NIM1K: variants seen among roughly 807,000 people sequenced by gnomAD.
NIM1K encodes NIM1 serine/threonine protein kinase.
In NIM1K, 35 loss-of-function variants were observed where a neutral mutation model predicts 37.1. That is an observed-to-expected ratio of 0.94 (90% CI 0.72 to 1.25). The LOEUF is 1.25. Among genes scored for constraint, NIM1K ranks in the 50% most tolerant of loss-of-function variants. NIM1K has a pLI of 0.00. For missense variants in NIM1K, 564 were observed against 548.0 expected (o/e 1.03, Z -0.29); for synonymous variants, 234 against 206.6 (o/e 1.13, Z -1.14).
At chr5:43,263,143 T>G (rs1311136315) in intron 2 of NIM1K, among the ~76,000 whole-genome samples, 2 of 152,178 alleles carry the variant, frequency 1.3e-5, no homozygotes, top group Non-Finnish European at 2.9e-5. Flanking sequence ...TTAGGGAGGA[T>G]TCCCTCTTTT....
chr5:43,271,184 T>C (rs112295994), intron 2 of NIM1K, among the ~76,000 whole-genome samples: 428 of 152,242 alleles, frequency 2.8e-3, no homozygotes, highest in African/African-American at 9.1e-3. Context: ...AATAGCATGC[T>C]TCTTACTGCC....
At position 43,232,719 on chromosome 5, in the gene NIM1K, G is replaced by C; in HGVS notation, c.-694-12363G>C. ...CAACCGGGAGTTGTTCCATGAGCGG[G>C]GAGGTGAACCCAGAACCAATTCCTT... On this transcript the variant is annotated intron_variant, in intron 1 of 3. Transcript: ENST00000326035. The C allele has an allele frequency of 2.9e-6, 4 of 1,363,880 alleles. No homozygotes were observed. The East Asian group carries it at 9.2e-5, about 31-fold the overall frequency. 84.5% of individuals were successfully genotyped at this position (1,363,880 alleles called of 1,614,324 possible).
At position 43,192,641 on chromosome 5, in the gene NIM1K, G is replaced by A. The variant is rs185137551; in HGVS notation, c.-695+230G>A. Among the ~76,000 whole-genome samples, 585 of 152,346 alleles carry A rather than the reference G, an allele frequency of 3.8e-3. 4 individuals carry two copies. Among genetic ancestry groups the A allele is most frequent in the African/African-American group, 0.013 (557 of 41,588 alleles). On this transcript the variant is annotated intron_variant, in intron 1 of 3. Coordinates refer to ENST00000326035, the MANE Select transcript of NIM1K (RefSeq NM_153361.4). Reference sequence around the variant, plus strand: ...GGCCGATCCGCAAGCGAGAGGAGGGGGCATTAGAGCCAGGGCGAGAGCGTG... The same window carrying A: ...GGCCGATCCGCAAGCGAGAGGAGGGAGCATTAGAGCCAGGGCGAGAGCGTG...
At position 43,280,409 on chromosome 5, in the gene NIM1K, C is replaced by T. The variant is rs915289204; in HGVS notation, c.991C>T (p.Pro331Ser). The T allele has an allele frequency of 2.5e-6, 4 of 1,614,110 alleles. No homozygotes were observed. The highest frequency in any genetic ancestry group is 3.4e-6 in the Non-Finnish European group (4 of 1,180,018). The change falls in exon 4 of 4, where the codon CCT becomes TCT. Residue 331 changes from proline to serine, a missense_variant. Transcript: ENST00000326035. ...NDEWMQGVPY[P>S]TPLEPFQLDP... ...TGAATGGATGCAAGGGGTGCCATACCCTACACCTTTGGAACCTTTCCAACT... is the reference window on the plus strand; with the variant it reads ...TGAATGGATGCAAGGGGTGCCATACTCTACACCTTTGGAACCTTTCCAACT...
At chr5:43,268,514 G>A (rs780186599) in intron 2 of NIM1K, among the ~76,000 whole-genome samples, 11 of 152,140 alleles carry the variant, frequency 7.2e-5, no homozygotes, top group Non-Finnish European at 1.5e-4. Context: ...AGTGGTTGGT[G>A]GGTCCATATG....
intron 2 of NIM1K, among the ~76,000 whole-genome samples, chr5:43,265,223 G>C (rs1339472300): frequency 6.6e-6 from 1 of 152,142 alleles, no homozygotes; most frequent in Non-Finnish European, 1.5e-5. Flanking sequence ...TTCCAACTTG[G>C]TTCCATTCTC....
Position 43,280,308 on chromosome 5 carries a change from C to T in NIM1K, c.890C>T (p.Pro297Leu), listed in dbSNP as rs146417706. Residue 297 changes from proline (P) to leucine (L), a missense_variant, in exon 4 of 4, where the codon CCC becomes CTC. By Grantham distance (98) the Pro-to-Leu change is moderately conservative (BLOSUM62 -3). Transcript: ENST00000326035. ...AGTGTACCGCCGCACGTGTCAGAGC[C>T]CTGCCACCGACTCATCCGAGGAGTC... is the stretch of plus-strand genomic sequence containing the variant. ...TYSVPPHVSE[P>L]CHRLIRGVLQ... 275 of 1,614,074 alleles carry T rather than the reference C, an allele frequency of 1.7e-4. 1 individual carries two copies. In the African/African-American group the frequency reaches 3.3e-3, roughly 20 times the overall value.
chr5:43,280,213 G>A lies in NIM1K; in HGVS notation c.795G>A (p.Val265=), dbSNP rs368925912. 3.1e-6 allele frequency: 5 copies of A among 1,614,182 alleles called. No individual in the cohort carries two copies. The highest frequency in any genetic ancestry group is 4.2e-6 in the Non-Finnish European group (5 of 1,180,038). ...TGGGGGTGCTTTTGTACTTCATGGT[G>A]ACTGGCACCATGCCATTTCGGGCAG... is the stretch of plus-strand genomic sequence containing the variant. The part of the protein sequence containing the change: ...WALGVLLYFM[V]TGTMPFRAET... The change falls in exon 4 of 4, where the codon GTG becomes GTA. Residue 265 remains valine, a synonymous_variant. Coordinates refer to ENST00000326035, the MANE Select transcript of NIM1K (RefSeq NM_153361.4).
At chr5:43,224,728 G>A (rs1477482904) in intron 1 of NIM1K, among the ~76,000 whole-genome samples, 3 of 133,632 alleles carry the variant, frequency 2.2e-5, no homozygotes, top group Admixed American at 1.7e-4. Context: ...ACAGCTTCTC[G>A]CTCTGTCACC....
intron 1 of NIM1K, chr5:43,232,003 G>A: frequency 9.7e-7 from 1 of 1,032,326 alleles, no homozygotes; most frequent in South Asian, 1.2e-5. Context: ...GTCCAGGTGA[G>A]CCCAGGCCTC....
At chr5:43,269,812 G>A (rs1183280031) in intron 2 of NIM1K, among the ~76,000 whole-genome samples, 1 of 152,006 alleles carries the variant, frequency 6.6e-6, no homozygotes, top group Non-Finnish European at 1.5e-5. Context: ...TAGAGACGGG[G>A]TTTCACCATG....
chr5:43,205,395 A>T (rs1261886265), intron 1 of NIM1K, among the ~76,000 whole-genome samples: 2 of 152,228 alleles, frequency 1.3e-5, no homozygotes, highest in Non-Finnish European at 2.9e-5. Flanking sequence ...AGTAGCTTTT[A>T]GTATACTTTC....
intron 2 of NIM1K, among the ~76,000 whole-genome samples, chr5:43,275,207 G>T (rs565507981): frequency 3.0e-4 from 45 of 152,278 alleles, no homozygotes; most frequent in African/African-American, 1.1e-3. Context: ...ATGTGTATCT[G>T]TATTTTTCCT....
chr5:43,222,236 T>C (rs139448554), intron 1 of NIM1K, among the ~76,000 whole-genome samples: 2,970 of 152,178 alleles, frequency 0.02, 40 homozygotes, highest in Non-Finnish European at 0.028. Flanking sequence ...CACTGAAGGG[T>C]GAGAAATACG....
At chr5:43,262,868 T>C (rs1472550572) in intron 2 of NIM1K, among the ~76,000 whole-genome samples, 1 of 152,174 alleles carries the variant, frequency 6.6e-6, no homozygotes, top group East Asian at 1.9e-4. Flanking sequence ...GAGATAATCA[T>C]GTGGTTTTTG....
intron 1 of NIM1K, among the ~76,000 whole-genome samples, chr5:43,204,219 G>A (rs1478201493): frequency 6.7e-6 from 1 of 149,372 alleles, no homozygotes; most frequent in African/African-American, 2.5e-5. Flanking sequence ...TCCTGAGTAG[G>A]ATTACAGGCA....
In NIM1K at chr5:43,279,967, T is replaced by C. The variant is rs751998732; in HGVS notation, c.562-13T>C. ...ACTGTAAAAATGACTTTTCTCTATG[T>C]CTTCTTCCACAGCATGAAAACCAAA... is the stretch of plus-strand genomic sequence containing the variant. On this transcript the variant is annotated splice_polypyrimidine_tract_variant and intron_variant, in intron 3 of 3. Coordinates refer to ENST00000326035, the MANE Select transcript of NIM1K (RefSeq NM_153361.4). 12 of 1,596,570 alleles carry C rather than the reference T, an allele frequency of 7.5e-6. No homozygotes were observed. The highest frequency in any genetic ancestry group is 5.1e-6 in the Non-Finnish European group (6 of 1,167,012).
chr5:43,280,446 A>G lies in NIM1K; in HGVS notation c.1028A>G (p.His343Arg), dbSNP rs772902118. 39 of 1,614,116 alleles carry G rather than the reference A, an allele frequency of 2.4e-5. No individual in the cohort carries two copies. The highest frequency in any genetic ancestry group is 1.6e-4 in the Middle Eastern group (1 of 6,062). Residue 343 changes from histidine to arginine, a missense_variant, in exon 4 of 4, where the codon CAT (histidine) becomes CGT (arginine). His to Arg is a conservative substitution (Grantham distance 29). Transcript: ENST00000326035. ...PLEPFQLDPKHLSETSTLKEE... is the reference protein window; with the variant it reads ...PLEPFQLDPKRLSETSTLKEE... Reference sequence around the variant, plus strand: ...GAACCTTTCCAACTGGATCCCAAACATTTGTCGGAAACCAGCACTCTCAAG... The same window carrying G: ...GAACCTTTCCAACTGGATCCCAAACGTTTGTCGGAAACCAGCACTCTCAAG...
chr5:43,280,077 T>C lies in NIM1K; in HGVS notation c.659T>C (p.Val220Ala). ...VKVGDFGFST[V>A]SKKGEMLNTF... ...GTGGGCGATTTTGGATTCAGCACAGTAAGCAAAAAAGGTGAAATGCTGAAC... is the reference window on the plus strand; with the variant it reads ...GTGGGCGATTTTGGATTCAGCACAGCAAGCAAAAAAGGTGAAATGCTGAAC... Residue 220 changes from valine to alanine, a missense_variant, in exon 4 of 4, where the codon GTA becomes GCA. By Grantham distance (64) the Val-to-Ala change is moderately conservative. Coordinates refer to ENST00000326035, the MANE Select transcript of NIM1K (RefSeq NM_153361.4). 1 of 1,614,178 alleles carries C rather than the reference T, an allele frequency of 6.2e-7. No individual in the cohort carries two copies. Among genetic ancestry groups the C allele is most frequent in the Non-Finnish European group, 8.5e-7 (1 of 1,180,026 alleles).
Sources: gnomAD v4.1 joint callset for allele counts (sites outside exome capture counted in the v4.1 genomes callset) on GRCh38, gnomAD v4.1.1 for gene constraint, MANE v1.5 for transcripts, NCBI Gene and HGNC (gene_info 2026-07-23, HGNC 2026-07-21) for gene names.